The following CEPT1 variants were observed in gnomAD, a reference collection of about 807,000 sequenced individuals.
CEPT1 encodes the protein choline/ethanolaminephosphotransferase 1.
CEPT1 carries 7 observed loss-of-function variants against 42.6 expected under a neutral mutation model. The ratio of observed to expected loss-of-function variants is 0.16; its 90% CI spans 0.09 to 0.31. The LOEUF is 0.31. Ranked by LOEUF, CEPT1 falls within the 10% of genes least tolerant of loss-of-function variation. The pLI, the probability that CEPT1 is intolerant of heterozygous loss-of-function variation, is 1.00. For synonymous variants in CEPT1, 171 were observed against 171.9 expected (o/e 0.99, Z 0.04); for missense variants, 306 against 502.1 (o/e 0.61, Z 3.73).
At chr1:111,169,659 C>A (rs1288638373) in intron 4 of CEPT1, among the ~76,000 whole-genome samples, 1 of 152,116 alleles carries the variant, frequency 6.6e-6, no homozygotes, top group African/African-American at 2.4e-5. Flanking sequence ...ATTGCTTAAA[C>A]TGATTTGATA....
At chr1:111,157,547 G>C (rs1157559919) in intron 2 of CEPT1, among the ~76,000 whole-genome samples, 7 of 152,080 alleles carry the variant, frequency 4.6e-5, no homozygotes, top group Non-Finnish European at 1.0e-4. Context: ...GCTCTAGAGA[G>C]TTACTGGATT....
chr1:111,182,428 A>G (rs1657037543), intron 6 of CEPT1, 110 bp downstream of exon 6: 1 of 1,220,488 alleles, frequency 8.2e-7, no homozygotes. Flanking sequence ...TATAATTTAT[A>G]CTTAGCCTTT....
At chr1:111,182,441 A>G in intron 6 of CEPT1, 123 bp downstream of exon 6, 1 of 1,118,934 alleles carries the variant, frequency 8.9e-7, no homozygotes, top group Non-Finnish European at 1.3e-6. Context: ...TAGCCTTTAA[A>G]GAAACTAATG....
chr1:111,172,169 A>C (rs886853071), intron 4 of CEPT1, among the ~76,000 whole-genome samples: 11 of 152,198 alleles, frequency 7.2e-5, no homozygotes, highest in Non-Finnish European at 1.3e-4. Flanking sequence ...GACACATAAG[A>C]AATTTGTTTT....
chr1:111,182,473 A>G (rs750224277), intron 6 of CEPT1, 155 bp downstream of exon 6: 4 of 759,020 alleles, frequency 5.3e-6, no homozygotes, highest in East Asian at 5.5e-5. Context: ...AATTTTATAT[A>G]TACTTACCCA....
chr1:111,161,784 T>G (rs1468936638), intron 4 of CEPT1, among the ~76,000 whole-genome samples: 1 of 152,232 alleles, frequency 6.6e-6, no homozygotes, highest in Non-Finnish European at 1.5e-5. Flanking sequence ...CAGTTCACTT[T>G]CAATACCTAT....
intron 4 of CEPT1, among the ~76,000 whole-genome samples, chr1:111,169,380 A>G (rs1656306469): frequency 6.6e-6 from 1 of 152,150 alleles, no homozygotes; most frequent in South Asian, 2.1e-4. Context: ...AATGTTCTTA[A>G]TGAAATTAAC....
chr1:111,142,054 AT>A (rs913919043), intron 1 of CEPT1, among the ~76,000 whole-genome samples: 26 of 147,348 alleles, frequency 1.8e-4, no homozygotes, highest in South Asian at 2.1e-4. Context: ...GGAGTTAGAG[AT>A]TTTTTTTTTT....
chr1:111,171,571 T>A (rs994227136), intron 4 of CEPT1, among the ~76,000 whole-genome samples: 4 of 152,224 alleles, frequency 2.6e-5, no homozygotes, highest in Admixed American at 2.6e-4. Context: ...TGCTTCTTTT[T>A]ATTTATTTTT....
intron 4 of CEPT1, among the ~76,000 whole-genome samples, chr1:111,172,752 T>C (rs1016883030): frequency 2.6e-5 from 4 of 152,222 alleles, no homozygotes; most frequent in Admixed American, 1.3e-4. Context: ...TTCTCATGAT[T>C]CAGAGCAGAA....
intron 4 of CEPT1, among the ~76,000 whole-genome samples, chr1:111,170,682 A>G (rs1014383304): frequency 6.6e-6 from 1 of 152,184 alleles, no homozygotes; most frequent in Non-Finnish European, 1.5e-5. Flanking sequence ...CTGGTTATCC[A>G]TAAGTTACCT....
chr1:111,140,211 A>C (rs1419006655), upstream of CEPT1: 1 of 152,234 alleles, frequency 6.6e-6, no homozygotes, highest in Admixed American at 6.5e-5. Flanking sequence ...CCTTTACGGC[A>C]ATCGCGAAAG....
intron 4 of CEPT1, among the ~76,000 whole-genome samples, chr1:111,168,878 C>T (rs894179129): frequency 2.0e-5 from 3 of 152,130 alleles, no homozygotes; most frequent in African/African-American, 7.2e-5. Context: ...GTGGAAAATA[C>T]AGTTGTCCCT....
chr1:111,182,757 TG>T (rs1452876220), intron 6 of CEPT1, 41 bp from the exon 7 acceptor site: 1 of 1,538,582 alleles, frequency 6.5e-7, no homozygotes, highest in Admixed American at 1.9e-5. Context: ...TAGTATCTGA[TG>T]AGTACTGAAT....
At chr1:111,170,363 A>G (rs755637958) in intron 4 of CEPT1, among the ~76,000 whole-genome samples, 1 of 152,192 alleles carries the variant, frequency 6.6e-6, no homozygotes, top group African/African-American at 2.4e-5. Context: ...CTGAAGATCC[A>G]TATAGTCATT....
chr1:111,159,536 GA>G lies in CEPT1; in HGVS notation c.487+10del, dbSNP rs1474746147. The G allele has an allele frequency of 1.2e-5, 19 of 1,601,768 alleles. No individual in the cohort carries two copies. In the African/African-American group the frequency reaches 1.5e-4, roughly 13 times the overall value. ...TGATTCACTATCAACAGGTATTGTT[GA>G]TTTTTTTAATGTTATTGATTATTAA... is the stretch of plus-strand genomic sequence containing the variant. On this transcript the variant is annotated intron_variant, in intron 3 of 8. Transcript: ENST00000357172.
chr1:111,150,678 A>G (rs1655223371), intron 2 of CEPT1, among the ~76,000 whole-genome samples: 1 of 152,206 alleles, frequency 6.6e-6, no homozygotes. Flanking sequence ...TCAGACACCA[A>G]TCTTTCTGGT....
Position 111,159,148 on chromosome 1 carries a change from C to G in CEPT1, c.340-232C>G, listed in dbSNP as rs1465091929. 2.0e-5 allele frequency among the ~76,000 whole-genome samples: 3 copies of G among 149,736 alleles called. No individual in the cohort carries two copies. In the East Asian group the frequency reaches 5.8e-4, roughly 29 times the overall value. On this transcript the variant is annotated intron_variant, in intron 2 of 8. Transcript: ENST00000357172. Reference sequence around the variant, plus strand: ...GCCGGGATGGTCTCGATCTCCTGACCTCGTGATCCGCCCGCCTCGGCCTCC... The same window carrying G: ...GCCGGGATGGTCTCGATCTCCTGACGTCGTGATCCGCCCGCCTCGGCCTCC...
At chr1:111,140,671 C>G (rs1356211837) in intron 1 of CEPT1, 2 of 152,424 alleles carry the variant, frequency 1.3e-5, no homozygotes, top group South Asian at 2.1e-4. Context: ...GAGCGCTACC[C>G]GTGCCGAACG....
Sources: gnomAD v4.1 joint callset for allele counts (sites outside exome capture counted in the v4.1 genomes callset) on GRCh38, gnomAD v4.1.1 for gene constraint, MANE v1.5 for transcripts, NCBI Gene and HGNC (gene_info 2026-07-23, HGNC 2026-07-21) for gene names.